B4GALT4: variants seen among roughly 807,000 people sequenced by gnomAD.
B4GALT4 encodes N-acetyllactosamine synthase.
Under a neutral mutation model 37.3 loss-of-function variants are expected in B4GALT4, and 27 were observed. That is an observed-to-expected ratio of 0.72 (90% CI 0.53 to 1.00). The LOEUF (loss-of-function observed/expected upper bound fraction) is 1.00, where lower values mean the gene tolerates loss of function less well. B4GALT4 is among the 50% of genes least tolerant of loss of function. The pLI, the probability that B4GALT4 is intolerant of heterozygous loss-of-function variation, is 0.00. For synonymous variants in B4GALT4, 148 were observed against 154.1 expected (o/e 0.96, Z 0.29); for missense variants, 372 against 413.1 (o/e 0.90, Z 0.86).
At chr3:119,236,548 T>C (rs979448748) in intron 2 of B4GALT4, among the ~76,000 whole-genome samples, 2 of 152,220 alleles carry the variant, frequency 1.3e-5, no homozygotes, top group African/African-American at 2.4e-5. Flanking sequence ...ATTAACTTAA[T>C]TCTCAAGGAG....
intron 2 of B4GALT4, among the ~76,000 whole-genome samples, chr3:119,233,873 A>C (rs2078900097): frequency 6.6e-6 from 1 of 152,218 alleles, no homozygotes; most frequent in South Asian, 2.1e-4. Context: ...CAGCATAAGG[A>C]AGTTCAGAAG....
chr3:119,222,336 A>G (rs572831361), intron 5 of B4GALT4, among the ~76,000 whole-genome samples: 28 of 152,154 alleles, frequency 1.8e-4, no homozygotes, highest in Non-Finnish European at 3.7e-4. Flanking sequence ...AAACCAGAAA[A>G]CAAAACCCCT....
chr3:119,239,430 T>A (rs755330317), intron 1 of B4GALT4, among the ~76,000 whole-genome samples: 34 of 152,008 alleles, frequency 2.2e-4, no homozygotes, highest in Non-Finnish European at 4.3e-4. Flanking sequence ...AAACAAAGAA[T>A]AGAAAACCAT....
chr3:119,231,892 ATT>A (rs1176928721), intron 2 of B4GALT4, among the ~76,000 whole-genome samples: 2 of 149,076 alleles, frequency 1.3e-5, no homozygotes, highest in Non-Finnish European at 3.0e-5. Context: ...TATATCACAT[ATT>A]GTCATATTTA....
At chr3:119,221,457 G>C (rs1395864050) in intron 5 of B4GALT4, among the ~76,000 whole-genome samples, 3 of 152,216 alleles carry the variant, frequency 2.0e-5, no homozygotes, top group Admixed American at 6.5e-5. Flanking sequence ...GGGGCACACA[G>C]TTGCCAGCAC....
intron 2 of B4GALT4, among the ~76,000 whole-genome samples, chr3:119,231,869 G>GTA (rs1219717860): frequency 6.9e-5 from 10 of 145,728 alleles, no homozygotes; most frequent in Admixed American, 6.9e-5. Flanking sequence ...TTATATAAAT[G>GTA]TATATATTTT....
chr3:119,235,293 A>G (rs1034287652), intron 2 of B4GALT4: 2 of 152,244 alleles, frequency 1.3e-5, no homozygotes, highest in African/African-American at 4.8e-5. Context: ...AACCACACAC[A>G]TTTTTACTCC....
Position 119,226,840 on chromosome 3 carries a change from T to C in B4GALT4, c.455A>G (p.Gln152Arg). Residue 152 changes from glutamine to arginine, a missense_variant, in exon 4 of 8, where the codon CAG (glutamine) becomes CGG (arginine). Gln to Arg is a conservative substitution (Grantham distance 43, BLOSUM62 1). Transcript: ENST00000393765. ...GATGACGTAGATGCCATAATCCAGCTGCTGCCTCTGCAGGAAGGGATGCAG... is the reference window on the plus strand; with the variant it reads ...GATGACGTAGATGCCATAATCCAGCCGCTGCCTCTGCAGGAAGGGATGCAG... ...EHLHPFLQRQQLDYGIYVIHQ... is the reference protein window; with the variant it reads ...EHLHPFLQRQRLDYGIYVIHQ... 6.2e-7 allele frequency: 1 copy of C among 1,614,076 alleles called. No individual in the cohort carries two copies.
intron 1 of B4GALT4, 140 bp downstream of exon 1, chr3:119,240,710 C>T (rs1398201220): frequency 2.0e-5 from 3 of 152,414 alleles, no homozygotes; most frequent in Non-Finnish European, 2.9e-5. Flanking sequence ...GGGACTGCCC[C>T]ACGGACGCCG....
intron 5 of B4GALT4, among the ~76,000 whole-genome samples, chr3:119,220,267 T>C (rs1292823822): frequency 6.6e-6 from 1 of 152,124 alleles, no homozygotes; most frequent in African/African-American, 2.4e-5. Context: ...CAGAATGCAT[T>C]TTATAGAGGG....
intron 2 of B4GALT4, among the ~76,000 whole-genome samples, chr3:119,234,245 G>A (rs112098907): frequency 0.031 from 4,792 of 152,148 alleles, 225 homozygotes; most frequent in African/African-American, 0.1. Context: ...AGCCTCCCAA[G>A]TAGCTGGGAT....
chr3:119,226,081 C>T (rs2078608939), intron 4 of B4GALT4, among the ~76,000 whole-genome samples: 1 of 152,122 alleles, frequency 6.6e-6, no homozygotes, highest in African/African-American at 2.4e-5. Context: ...TCTTCTTGGC[C>T]TCCTTGGATG....
At chr3:119,239,430 T>C (rs755330317) in intron 1 of B4GALT4, among the ~76,000 whole-genome samples, 1 of 152,008 alleles carries the variant, frequency 6.6e-6, no homozygotes, top group South Asian at 2.1e-4. Context: ...AAACAAAGAA[T>C]AGAAAACCAT....
At position 119,226,980 on chromosome 3, in the gene B4GALT4, A is replaced by C; in HGVS notation, c.315T>G (p.Asn105Lys). 1 of 1,614,036 alleles carries C rather than the reference A, an allele frequency of 6.2e-7. No individual in the cohort carries two copies. The highest frequency in any genetic ancestry group is 8.5e-7 in the Non-Finnish European group (1 of 1,180,010). The stretch of plus-strand genomic sequence containing the variant: ...GATACCGGCCTCTGGACACTTTGGG[A>C]TTTTCTGCCTGTACCTCTTCCAAAG... ...DLTLEEVQAENPKVSRGRYRP... is the reference protein window; with the variant it reads ...DLTLEEVQAEKPKVSRGRYRP... The change falls in exon 4 of 8, where the codon AAT becomes AAG. Residue 105 changes from asparagine (N) to lysine (K), a missense_variant. Physicochemically the swap from Asn to Lys is moderately conservative, Grantham distance 94 (BLOSUM62 0). Transcript: ENST00000393765.
intron 3 of B4GALT4, 35 bp from the exon 4 acceptor site, chr3:119,227,076 G>T (rs750332406): frequency 8.8e-6 from 14 of 1,586,220 alleles, no homozygotes; most frequent in Non-Finnish European, 1.1e-5. Flanking sequence ...AATAACAGTA[G>T]CTACTTCAAA....
intron 5 of B4GALT4, among the ~76,000 whole-genome samples, chr3:119,220,618 G>A (rs2078419975): frequency 6.6e-6 from 1 of 152,204 alleles, no homozygotes; most frequent in South Asian, 2.1e-4. Flanking sequence ...GCACAGGAGG[G>A]AGAAAGACAC....
intron 5 of B4GALT4, among the ~76,000 whole-genome samples, chr3:119,219,575 T>G (rs139605345): frequency 5.3e-5 from 8 of 152,320 alleles, no homozygotes; most frequent in African/African-American, 1.9e-4. Flanking sequence ...TATCATGTAG[T>G]ACCTGAAGGC....
intron 2 of B4GALT4, among the ~76,000 whole-genome samples, chr3:119,234,203 C>T (rs2078915398): frequency 1.3e-5 from 2 of 152,048 alleles, no homozygotes; most frequent in Non-Finnish European, 2.9e-5. Flanking sequence ...CTGCAACCTC[C>T]GCCTCCCAGG....
Position 119,214,719 on chromosome 3 carries a change from T to G in B4GALT4, c.902+1521A>C, listed in dbSNP as rs188374614. On this transcript the variant is annotated intron_variant, in intron 7 of 7. Coordinates refer to ENST00000393765, the MANE Select transcript of B4GALT4 (RefSeq NM_003778.4). ...CTATACCCCAGAGTACCCAAATACA[T>G]GAAAAGGGAAAGTACTTTGTAGAAA... 1.7e-3 allele frequency: 259 copies of G among 152,148 alleles called. 2 individuals carry two copies. Among genetic ancestry groups the G allele is most frequent in the African/African-American group, 5.9e-3 (245 of 41,504 alleles). 9.4% of individuals were successfully genotyped at this position (152,148 alleles called of 1,614,324 possible). A position where few individuals can be genotyped will look rare whatever the true frequency, so the allele number is the denominator to read the frequency against.
Sources: allele counts gnomAD v4.1 joint callset (sites outside exome capture counted in the v4.1 genomes callset), GRCh38; gene constraint gnomAD v4.1.1; transcripts MANE v1.5; gene names NCBI Gene and HGNC (gene_info 2026-07-23, HGNC 2026-07-21).